The following MYT1L variants were observed in gnomAD, a reference collection of about 807,000 sequenced individuals.
The protein encoded by MYT1L is myelin transcription factor 1-like protein.
Under a neutral mutation model 126.7 loss-of-function variants are expected in MYT1L, and 12 were observed. The ratio of observed to expected loss-of-function variants is 0.09; its 90% CI spans 0.06 to 0.15. The LOEUF (loss-of-function observed/expected upper bound fraction) is 0.15. Among genes scored for constraint, MYT1L ranks in the 10% least tolerant of loss-of-function variants. The probability of loss-of-function intolerance (pLI) is 1.00; values close to 1 mark genes in which losing one functional copy is unlikely to be tolerated. For missense variants in MYT1L, 979 were observed against 1,585.2 expected (o/e 0.62, Z 6.49); for synonymous variants, 541 against 604.2 (o/e 0.90, Z 1.53).
intron 2 of MYT1L, among the ~76,000 whole-genome samples, chr2:2,180,073 CTGT>C (rs1367345084): frequency 1.3e-5 from 2 of 152,178 alleles, no homozygotes; most frequent in African/African-American, 4.8e-5. Context: ...GCTAATGCCA[CTGT>C]TGTTATCAAA....
At chr2:1,986,774 G>A (rs1287208027) in intron 5 of MYT1L, among the ~76,000 whole-genome samples, 4 of 152,074 alleles carry the variant, frequency 2.6e-5, no homozygotes, top group African/African-American at 4.8e-5. Flanking sequence ...CAGGCCAAGG[G>A]GGTCGTCAGA....
intron 3 of MYT1L, among the ~76,000 whole-genome samples, chr2:2,145,505 G>A (rs1025223606): frequency 1.3e-5 from 2 of 151,990 alleles, no homozygotes; most frequent in Non-Finnish European, 2.9e-5. Context: ...GGATACAAAG[G>A]GTGTCCACAA....
chr2:1,906,964 T>TA (rs1033059481), intron 13 of MYT1L, among the ~76,000 whole-genome samples: 37 of 150,868 alleles, frequency 2.5e-4, no homozygotes, highest in African/African-American at 7.3e-4. Context: ...AAAAAAATAT[T>TA]AGCCAGGTGT....
At chr2:2,195,867 A>G (rs1164669802) in intron 2 of MYT1L, among the ~76,000 whole-genome samples, 1 of 152,158 alleles carries the variant, frequency 6.6e-6, no homozygotes, top group African/African-American at 2.4e-5. Context: ...ATAGTGATAA[A>G]ATGGTAGAAA....
At chr2:2,087,353 TTTTC>T (rs1163099709) in intron 3 of MYT1L, among the ~76,000 whole-genome samples, 3 of 152,220 alleles carry the variant, frequency 2.0e-5, no homozygotes, top group Non-Finnish European at 4.4e-5. Flanking sequence ...GTTCTTCCCT[TTTTC>T]TTTGTTTGGG....
At position 2,060,825 on chromosome 2, in the gene MYT1L, CCT is replaced by C. The variant is rs545805190; in HGVS notation, c.-303-6704_-303-6703del. ...CTTTCCTCTTCTCTCTCTCTCTTTCCCTCTCTCTCTCTCTCTTTCCCTCTCTC... is the reference window on the plus strand; with the variant it reads ...CTTTCCTCTTCTCTCTCTCTCTTTCCCTCTCTCTCTCTCTTTCCCTCTCTC... On this transcript the variant is annotated intron_variant, in intron 3 of 24. Transcript: ENST00000647738. Among the ~76,000 whole-genome samples, 56 of 143,642 alleles carry C rather than the reference CCT, an allele frequency of 3.9e-4. 1 individual carries two copies. The highest frequency in any genetic ancestry group is 7.6e-3 in the Middle Eastern group (2 of 262). The allele number at this position is 143,642 out of a possible 152,430, so 94.2% of individuals were successfully genotyped here.
At chr2:1,896,199 G>T (rs1409856969) in intron 14 of MYT1L, among the ~76,000 whole-genome samples, 1 of 152,170 alleles carries the variant, frequency 6.6e-6, no homozygotes, top group Non-Finnish European at 1.5e-5. Flanking sequence ...AGATGCTGGA[G>T]AGGCTGTGGA....
chr2:2,294,682 G>T (rs1304992142), intron 1 of MYT1L, among the ~76,000 whole-genome samples: 3 of 152,256 alleles, frequency 2.0e-5, no homozygotes, highest in African/African-American at 4.8e-5. Flanking sequence ...GAGGCTGAGG[G>T]TATCTAAGTC....
At chr2:2,200,480 C>T (rs949954016) in intron 2 of MYT1L, among the ~76,000 whole-genome samples, 1 of 152,226 alleles carries the variant, frequency 6.6e-6, no homozygotes, top group African/African-American at 2.4e-5. Context: ...ATGACCACGT[C>T]TCCTCCTACA....
At chr2:2,135,632 G>A (rs1188138813) in intron 3 of MYT1L, among the ~76,000 whole-genome samples, 1 of 152,222 alleles carries the variant, frequency 6.6e-6, no homozygotes. Flanking sequence ...GAACAAAAGA[G>A]AGGAAGAAAG....
At position 2,039,619 on chromosome 2, in the gene MYT1L, G is replaced by A. The variant is rs115160264; in HGVS notation, c.-158+14359C>T. ...ATAAAGAATGGATATGACTTTGAAC[G>A]TCACAGGTTCTCCACCCATCAACAA... On this transcript the variant is annotated intron_variant, in intron 4 of 24. Transcript: ENST00000647738. Among the ~76,000 whole-genome samples the A allele has an allele frequency of 3.8e-3, 576 of 152,312 alleles. 3 individuals carry two copies. Among genetic ancestry groups the A allele is most frequent in the African/African-American group, 0.013 (539 of 41,566 alleles).
chr2:2,113,719 G>A lies in MYT1L; in HGVS notation c.-304+59153C>T, dbSNP rs1005395279. Among the ~76,000 whole-genome samples, 6 of 152,222 alleles carry A rather than the reference G, an allele frequency of 3.9e-5. No individual in the cohort carries two copies. The South Asian group carries it at 6.2e-4, about 16-fold the overall frequency. ...TTCAAAAAGTTATGAAAACATTACC[G>A]CCTCCATTACACAGATAGGAAAAAA... On this transcript the variant is annotated intron_variant, in intron 3 of 24. Coordinates refer to ENST00000647738, the MANE Select transcript of MYT1L (RefSeq NM_001303052.2).
At chr2:2,214,886 C>G (rs536719291) in intron 2 of MYT1L, among the ~76,000 whole-genome samples, 1 of 152,018 alleles carries the variant, frequency 6.6e-6, no homozygotes, top group East Asian at 1.9e-4. Flanking sequence ...TGTAGTGTGT[C>G]ATTTGTAACA....
At chr2:1,851,129 CTATAT>C (rs1189939961) in intron 19 of MYT1L, among the ~76,000 whole-genome samples, 2 of 152,066 alleles carry the variant, frequency 1.3e-5, no homozygotes, top group Non-Finnish European at 1.5e-5. Context: ...GATGAAATCT[CTATAT>C]TATATTTTAG....
At chr2:1,828,296 G>C (rs1480616385) in intron 21 of MYT1L, 1 of 151,918 alleles carries the variant, frequency 6.6e-6, no homozygotes, top group Admixed American at 6.6e-5. Context: ...GGAATTCCCA[G>C]CTTCCCTAAT....
rs71824780 is a variant in MYT1L at position 2,065,823 on chromosome 2, TACACAC to T, written c.-303-11706_-303-11701del. ...AGGGCATATCAATCTCTCTCTTTTA[TACACAC>T]ACACACACACACACACACGCACACA... On this transcript the variant is annotated intron_variant, in intron 3 of 24. Transcript: ENST00000647738. Among the ~76,000 whole-genome samples, 33 of 144,932 alleles carry T rather than the reference TACACAC, an allele frequency of 2.3e-4. 1 individual carries two copies. Among genetic ancestry groups the T allele is most frequent in the East Asian group, 6.1e-4 (3 of 4,906 alleles).
intron 8 of MYT1L, among the ~76,000 whole-genome samples, chr2:1,944,202 G>C (rs1249411980): frequency 6.6e-6 from 1 of 151,962 alleles, no homozygotes; most frequent in Non-Finnish European, 1.5e-5. Context: ...TATTACATTA[G>C]ATATATCTCC....
At chr2:1,881,355 CGT>C (rs59171974) in intron 18 of MYT1L, among the ~76,000 whole-genome samples, 47,210 of 138,552 alleles carry the variant, frequency 0.34, 7,768 homozygotes, top group South Asian at 0.45. Context: ...TTTGCAGGTT[CGT>C]GTGTGTGTGT....
intron 1 of MYT1L, among the ~76,000 whole-genome samples, chr2:2,286,675 C>T (rs1393830121): frequency 2.0e-5 from 3 of 152,126 alleles, no homozygotes; most frequent in Admixed American, 6.5e-5. Context: ...AGTGGCCTCA[C>T]ATGGTTTGCT....
Sources: gnomAD v4.1 joint callset for allele counts (sites outside exome capture counted in the v4.1 genomes callset) on GRCh38, gnomAD v4.1.1 for gene constraint, MANE v1.5 for transcripts, NCBI Gene and HGNC (gene_info 2026-07-23, HGNC 2026-07-21) for gene names.